Variants in PCDH15 observed in about 807,000 individuals in gnomAD.
PCDH15 encodes protocadherin-15.
A neutral mutation model predicts 178.5 loss-of-function variants in PCDH15; 129 were observed. The ratio of observed to expected loss-of-function variants is 0.72; its 90% CI spans 0.63 to 0.84. The LOEUF (loss-of-function observed/expected upper bound fraction) is 0.84, where lower values mean the gene tolerates loss of function less well. PCDH15 is among the 40% of genes least tolerant of loss of function. PCDH15 has a pLI of 0.00. For synonymous variants in PCDH15, 800 were observed against 732.0 expected (o/e 1.09, Z -1.50); for missense variants, 2,230 against 2,099.9 (o/e 1.06, Z -1.21).
intron 2 of PCDH15, among the ~76,000 whole-genome samples, chr10:54,550,206 GTTTTT>G (rs1250718077): frequency 6.6e-6 from 1 of 151,970 alleles, no homozygotes; most frequent in Admixed American, 6.6e-5. Context: ...GTTTTGTTTT[GTTTTT>G]GTTATCCGTG....
At chr10:54,102,330 C>A (rs867790673) in intron 15 of PCDH15, among the ~76,000 whole-genome samples, 2 of 152,264 alleles carry the variant, frequency 1.3e-5, no homozygotes, top group South Asian at 4.2e-4. Flanking sequence ...TCCGGTGGGC[C>A]TTATGGACAG....
chr10:54,299,023 T>G (rs776651496), intron 8 of PCDH15, among the ~76,000 whole-genome samples: 25 of 152,198 alleles, frequency 1.6e-4, no homozygotes, highest in Non-Finnish European at 3.5e-4. Context: ...AGTTATTGCA[T>G]GCAGTGCAAA....
intron 26 of PCDH15, among the ~76,000 whole-genome samples, chr10:53,881,595 T>C (rs1564674272): frequency 6.6e-6 from 1 of 152,182 alleles, no homozygotes; most frequent in Non-Finnish European, 1.5e-5. Flanking sequence ...AGTTCACACC[T>C]GGACTAAATT....
chr10:54,416,356 ATGAG>A (rs1954391035), intron 3 of PCDH15, among the ~76,000 whole-genome samples: 1 of 151,834 alleles, frequency 6.6e-6, no homozygotes, highest in East Asian at 1.9e-4. Flanking sequence ...ACCCCCACTT[ATGAG>A]TGAGAACATG....
At chr10:54,785,643 G>T (rs548946576) in intron 1 of PCDH15, among the ~76,000 whole-genome samples, 1 of 152,004 alleles carries the variant, frequency 6.6e-6, no homozygotes, top group African/African-American at 2.4e-5. Context: ...AACGCAAATG[G>T]CTGTTCAGAT....
chr10:54,775,741 T>C lies in PCDH15; in HGVS notation c.-29+25184A>G, dbSNP rs931265473. ...TCTACTAAAAATACAAAAAATTAGC[T>C]GGGCGTGGTGGCGGGCGCCTGTAGT... On this transcript the variant is annotated intron_variant, in intron 1 of 37. Coordinates refer to ENST00000644397, the MANE Select transcript of PCDH15 (RefSeq NM_001384140.1). Among the ~76,000 whole-genome samples, 20 of 152,170 alleles carry C rather than the reference T, an allele frequency of 1.3e-4. 1 individual carries two copies. In the South Asian group the frequency reaches 1.7e-3, roughly 13 times the overall value.
intron 2 of PCDH15, among the ~76,000 whole-genome samples, chr10:55,386,310 T>A (rs1030929379): frequency 1.3e-5 from 2 of 151,990 alleles, no homozygotes; most frequent in Non-Finnish European, 2.9e-5. Flanking sequence ...AATAAAATTT[T>A]AAAAAACTGA....
chr10:55,100,312 C>A (rs978659398), intron 2 of PCDH15, among the ~76,000 whole-genome samples: 3 of 152,022 alleles, frequency 2.0e-5, no homozygotes, highest in African/African-American at 7.2e-5. Context: ...ATGTTCAATA[C>A]ATATTTTAGG....
At chr10:54,153,358 TC>T (rs895823359) in intron 13 of PCDH15, 65 bp from the exon 14 acceptor site, 465 of 1,555,172 alleles carry the variant, frequency 3.0e-4, no homozygotes, top group Non-Finnish European at 3.7e-4. Flanking sequence ...TGTCGTTTTT[TC>T]CCCCAACAAA....
intron 1 of PCDH15, among the ~76,000 whole-genome samples, chr10:55,186,355 A>C (rs2132140318): frequency 6.6e-6 from 1 of 151,404 alleles, no homozygotes; most frequent in Non-Finnish European, 1.5e-5. Context: ...TTAAAAAACC[A>C]ATTGAACTGT....
At chr10:53,863,562 A>G (rs2079245529) in intron 27 of PCDH15, among the ~76,000 whole-genome samples, 1 of 152,080 alleles carries the variant, frequency 6.6e-6, no homozygotes, top group Non-Finnish European at 1.5e-5. Flanking sequence ...GAGAGGGTTC[A>G]ATAGTGAGAA....
chr10:54,155,019 T>C (rs1040669191), intron 13 of PCDH15, among the ~76,000 whole-genome samples: 2 of 152,218 alleles, frequency 1.3e-5, no homozygotes, highest in African/African-American at 4.8e-5. Context: ...GATATCAATT[T>C]TGATTATACT....
intron 3 of PCDH15, among the ~76,000 whole-genome samples, chr10:54,888,171 G>A (rs1247519764): frequency 6.6e-6 from 1 of 152,108 alleles, no homozygotes; most frequent in African/African-American, 2.4e-5. Flanking sequence ...CTCGGGCTCT[G>A]TTAAACCTTT....
chr10:54,161,054 A>C (rs921450957), intron 13 of PCDH15, among the ~76,000 whole-genome samples: 2 of 152,194 alleles, frequency 1.3e-5, no homozygotes, highest in African/African-American at 2.4e-5. Flanking sequence ...ATATATGTGT[A>C]TATATATGTG....
intron 3 of PCDH15, among the ~76,000 whole-genome samples, chr10:54,817,609 A>G (rs933675117): frequency 1.3e-5 from 2 of 152,088 alleles, no homozygotes; most frequent in African/African-American, 2.4e-5. Context: ...AGATAGTTCT[A>G]TGATGAGAAA....
At chr10:55,424,710 T>C (rs1838709322) in intron 2 of PCDH15, among the ~76,000 whole-genome samples, 1 of 152,148 alleles carries the variant, frequency 6.6e-6, no homozygotes, top group South Asian at 2.1e-4. Context: ...GAAAATCTTA[T>C]ATGAGAAAAA....
At chr10:54,042,001 T>C (rs2093557658) in intron 18 of PCDH15, among the ~76,000 whole-genome samples, 1 of 147,982 alleles carries the variant, frequency 6.8e-6, no homozygotes, top group South Asian at 2.1e-4. Context: ...TTATTTTTAG[T>C]AATTAAGATA....
At chr10:54,658,524 T>G (rs377716720) in intron 2 of PCDH15, among the ~76,000 whole-genome samples, 1 of 152,142 alleles carries the variant, frequency 6.6e-6, no homozygotes, top group Non-Finnish European at 1.5e-5. Context: ...TCCAAAATTT[T>G]TATAACCTAC....
chr10:55,570,354 A>T (rs1842385460), intron 2 of PCDH15, among the ~76,000 whole-genome samples: 1 of 152,022 alleles, frequency 6.6e-6, no homozygotes, highest in Non-Finnish European at 1.5e-5. Context: ...GCTAGTCTTC[A>T]TAAGTGTCTA....
Sources: allele counts gnomAD v4.1 joint callset (sites outside exome capture counted in the v4.1 genomes callset), GRCh38; gene constraint gnomAD v4.1.1; transcripts MANE v1.5; gene names NCBI Gene and HGNC (gene_info 2026-07-23, HGNC 2026-07-21).